SLC12A8: variants seen among roughly 807,000 people sequenced by gnomAD.
SLC12A8 encodes the protein cation-chloride cotransporter 9.
SLC12A8 carries 69 observed loss-of-function variants against 75.6 expected under a neutral mutation model. That is an observed-to-expected ratio of 0.91 (90% CI 0.75 to 1.11). The LOEUF is 1.11. SLC12A8 is among the 50% of genes most tolerant of loss of function. The probability of loss-of-function intolerance (pLI) is 0.00; values close to 1 mark genes in which losing one functional copy is unlikely to be tolerated. For missense variants in SLC12A8, 877 were observed against 896.7 expected (o/e 0.98, Z 0.28); for synonymous variants, 365 against 372.8 (o/e 0.98, Z 0.24).
intron 3 of SLC12A8, 77 bp downstream of exon 3, chr3:125,190,298 A>C: frequency 6.6e-7 from 1 of 1,518,578 alleles, no homozygotes; most frequent in Admixed American, 1.7e-5. Context: ...TGTGGCCTGC[A>C]CTGTAGAATG....
chr3:125,089,578 G>GT (rs11379214), intron 12 of SLC12A8, among the ~76,000 whole-genome samples: 21,459 of 150,594 alleles, frequency 0.14, 1,639 homozygotes, highest in South Asian at 0.2. Flanking sequence ...TAACATTACT[G>GT]TTTTCTAAAT....
rs1357272220 is a variant in SLC12A8, at chr3:125,159,148, A to C, written c.622+18595T>G. Reference sequence around the variant, plus strand: ...AAAATTCTCTAATTAAAAATTTTTTAAGTATGGTTAGTTTGTCATTGAAAA... The same window carrying C: ...AAAATTCTCTAATTAAAAATTTTTTCAGTATGGTTAGTTTGTCATTGAAAA... On this transcript the variant is annotated intron_variant, in intron 5 of 13. Transcript: ENST00000469902. 2.0e-5 allele frequency among the ~76,000 whole-genome samples: 3 copies of C among 152,340 alleles called. No individual in the cohort carries two copies. In the East Asian group the frequency reaches 5.8e-4, roughly 29 times the overall value.
chr3:125,148,051 A>G (rs140427061), intron 5 of SLC12A8, among the ~76,000 whole-genome samples: 1 of 152,336 alleles, frequency 6.6e-6, no homozygotes, highest in African/African-American at 2.4e-5. Flanking sequence ...AGCAGGTCAG[A>G]GAGGTTAACT....
chr3:125,160,489 G>C (rs1468862123), intron 5 of SLC12A8, among the ~76,000 whole-genome samples: 1 of 152,232 alleles, frequency 6.6e-6, no homozygotes, highest in African/African-American at 2.4e-5. Context: ...TGCAAGTGAA[G>C]TTCTTTCCAT....
chr3:125,210,771 T>C (rs1216109532), intron 2 of SLC12A8, among the ~76,000 whole-genome samples: 2 of 152,156 alleles, frequency 1.3e-5, no homozygotes, highest in East Asian at 3.8e-4. Context: ...TTATTATTAT[T>C]TCTTAAGGGA....
At chr3:125,096,177 T>A (rs1052661492) in intron 10 of SLC12A8, among the ~76,000 whole-genome samples, 6 of 152,190 alleles carry the variant, frequency 3.9e-5, no homozygotes, top group Admixed American at 2.6e-4. Flanking sequence ...GAACTCTTCT[T>A]CTACTTCTCT....
intron 12 of SLC12A8, 111 bp downstream of exon 12, chr3:125,091,328 G>T: frequency 2.8e-6 from 2 of 709,330 alleles, no homozygotes; most frequent in South Asian, 1.7e-5. Context: ...TTGAAAATGG[G>T]ATTCACATCT....
At chr3:125,106,619 G>A (rs1479497097) in intron 10 of SLC12A8, among the ~76,000 whole-genome samples, 1 of 152,166 alleles carries the variant, frequency 6.6e-6, no homozygotes, top group African/African-American at 2.4e-5. Flanking sequence ...TGGTCAGGCT[G>A]GGATTATAGA....
intron 5 of SLC12A8, among the ~76,000 whole-genome samples, chr3:125,146,881 C>G (rs1250817818): frequency 6.6e-6 from 1 of 152,212 alleles, no homozygotes; most frequent in Non-Finnish European, 1.5e-5. Flanking sequence ...ACAGGGAGGC[C>G]CTTCCTCCAC....
At chr3:125,136,759 T>A (rs1246193779) in intron 5 of SLC12A8, among the ~76,000 whole-genome samples, 1 of 152,250 alleles carries the variant, frequency 6.6e-6, no homozygotes, top group East Asian at 1.9e-4. Flanking sequence ...ACATCGACTT[T>A]AACAAACTTT....
At chr3:125,180,587 A>C (rs1173033024) in intron 4 of SLC12A8, among the ~76,000 whole-genome samples, 2 of 152,128 alleles carry the variant, frequency 1.3e-5, no homozygotes, top group Non-Finnish European at 2.9e-5. Flanking sequence ...GCTGCTTGAG[A>C]GGCTGAGGCA....
chr3:125,110,026 A>G (rs1341263301), intron 9 of SLC12A8, among the ~76,000 whole-genome samples, 163 bp downstream of exon 9: 1 of 152,182 alleles, frequency 6.6e-6, no homozygotes, highest in East Asian at 1.9e-4. Context: ...AGCCAGCCAG[A>G]GGACAGGGCT....
chr3:125,193,262 C>T (rs532558895), intron 2 of SLC12A8, among the ~76,000 whole-genome samples: 16 of 152,160 alleles, frequency 1.1e-4, no homozygotes, highest in Non-Finnish European at 2.1e-4. Flanking sequence ...CCCAGCTACT[C>T]GGGAGGCTGA....
At chr3:125,212,303 G>C (rs1251054982) in intron 1 of SLC12A8, among the ~76,000 whole-genome samples, 1 of 152,118 alleles carries the variant, frequency 6.6e-6, no homozygotes, top group Non-Finnish European at 1.5e-5. Flanking sequence ...GTGACAGGTA[G>C]GGAGCCAGAG....
Position 125,083,940 on chromosome 3 carries a change from A to G in SLC12A8, c.2095T>C (p.Tyr699His). ...ENADFATRDR[Y>H]HHSSLVNREQ... ...CGGTTCACGAGGGAGGAGTGGTGGT[A>G]GCGATCCCGAGTGGCGAAGTCTGCA... The change falls in exon 14 of 14, where the codon TAC becomes CAC. Residue 699 changes from tyrosine to histidine, a missense_variant. Physicochemically the swap from Tyr to His is moderately conservative, Grantham distance 83. Transcript: ENST00000469902. 1 of 1,613,624 alleles carries G rather than the reference A, an allele frequency of 6.2e-7. No individual in the cohort carries two copies. Among genetic ancestry groups the G allele is most frequent in the South Asian group, 1.1e-5 (1 of 90,912 alleles).
chr3:125,170,037 A>C (rs1387829324), intron 5 of SLC12A8, among the ~76,000 whole-genome samples: 5 of 152,194 alleles, frequency 3.3e-5, no homozygotes, highest in African/African-American at 1.2e-4. Context: ...TGGGAATAAA[A>C]TACAAAAAAA....
chr3:125,110,495 C>T, intron 8 of SLC12A8, 160 bp from the exon 9 acceptor site: 1 of 603,582 alleles, frequency 1.7e-6, no homozygotes. Context: ...CGCCCCCATT[C>T]ATTCCATGGT....
intron 2 of SLC12A8, chr3:125,206,901 G>A (rs1453557200): frequency 6.6e-6 from 1 of 152,196 alleles, no homozygotes; most frequent in African/African-American, 2.4e-5. Flanking sequence ...GAACAGCATC[G>A]AGGGAATGGT....
intron 5 of SLC12A8, among the ~76,000 whole-genome samples, chr3:125,153,329 C>T (rs1193206198): frequency 2.0e-5 from 3 of 152,174 alleles, no homozygotes; most frequent in African/African-American, 4.8e-5. Context: ...TACTCAGCAC[C>T]GCGTGCCATC....
Sources: gnomAD v4.1 joint callset for allele counts (sites outside exome capture counted in the v4.1 genomes callset) on GRCh38, gnomAD v4.1.1 for gene constraint, MANE v1.5 for transcripts, NCBI Gene and HGNC (gene_info 2026-07-23, HGNC 2026-07-21) for gene names.